Variants in CELF2 observed in about 807,000 individuals in gnomAD.
CELF2 encodes the protein CUGBP Elav-like family member 2.
A neutral mutation model predicts 62.6 loss-of-function variants in CELF2; 8 were observed. The observed-to-expected ratio is 0.13, with a 90% CI of 0.07 to 0.23. The LOEUF (loss-of-function observed/expected upper bound fraction) is 0.23. CELF2 is among the 10% of genes least tolerant of loss of function. CELF2 has a pLI of 1.00. For synonymous variants in CELF2, 258 were observed against 250.0 expected, an observed-to-expected ratio of 1.03 and a Z score of -0.30; for missense variants, 333 against 671.0, an observed-to-expected ratio of 0.50 and a Z score of 5.56.
chr10:11,007,727 T>A (rs1347149803), intron 1 of CELF2, among the ~76,000 whole-genome samples: 8 of 152,128 alleles, frequency 5.3e-5, no homozygotes, highest in Non-Finnish European at 8.8e-5. Context: ...CCATGGGAAA[T>A]GTTTAATCCA....
rs983219488 is a variant in CELF2, at chr10:10,904,892, A to G, written c.54-15072A>G. Among the ~76,000 whole-genome samples, 42 of 152,304 alleles carry G rather than the reference A, an allele frequency of 2.8e-4. 1 individual carries two copies. The highest frequency in any genetic ancestry group is 3.4e-3 in the Middle Eastern group (1 of 294). Reference sequence around the variant, plus strand: ...AAAACACTTCAAGATCTATAAGTAAAATTGAGGAGTGGGACTTTTTTCTTA... The same window carrying G: ...AAAACACTTCAAGATCTATAAGTAAGATTGAGGAGTGGGACTTTTTTCTTA... On this transcript the variant is annotated intron_variant, in intron 1 of 13. Coordinates refer to the CELF2 transcript ENST00000636488.
Position 11,260,095 on chromosome 10 carries a change from A to G in CELF2, c.538+2223A>G. 6.6e-6 allele frequency among the ~76,000 whole-genome samples: 1 copy of G among 152,230 alleles called. No homozygotes were observed. Among genetic ancestry groups the G allele is most frequent in the East Asian group, 1.9e-4 (1 of 5,196 alleles). On this transcript the variant is annotated intron_variant, in intron 5 of 12. Coordinates refer to ENST00000633077, the MANE Select transcript of CELF2 (RefSeq NM_001326342.2). This position sits in a 1 kb window ranked among gnomAD's most constrained non-coding sequence, Gnocchi z 4.2. ...CCCACAACTTCTACTGAAATGAAAT[A>G]GAACTTTAGTCATTTTATTTTCTTA...
rs951647764 is a variant in CELF2 at position 10,993,428 on chromosome 10, T to G, written c.89+73429T>G. On this transcript the variant is annotated intron_variant, in intron 2 of 13. Coordinates refer to the CELF2 transcript ENST00000636488. This position sits in a 1 kb window ranked among gnomAD's most constrained non-coding sequence, Gnocchi z 5.3. Reference sequence around the variant, plus strand: ...TGCAACTGTAAGGATGAGCAGGAGTTAACTGGGAAGGGGAAATGCCAATTT... The same window carrying G: ...TGCAACTGTAAGGATGAGCAGGAGTGAACTGGGAAGGGGAAATGCCAATTT... Among the ~76,000 whole-genome samples, 1 of 151,986 alleles carries G rather than the reference T, an allele frequency of 6.6e-6. No homozygotes were observed. The highest frequency in any genetic ancestry group is 1.5e-5 in the Non-Finnish European group (1 of 67,998).
chr10:11,054,489 T>TTGTGTGTGTGTATGTGTGTTTGTG (rs1554803983), intron 1 of CELF2, among the ~76,000 whole-genome samples: 2 of 149,582 alleles, frequency 1.3e-5, no homozygotes, highest in East Asian at 4.0e-4. Context: ...GTATGTGTGT[T>TTGTGTGTGTGTATGTGTGTTTGTG]TGTGTGTGTG....
the CELF2 span, among the ~76,000 whole-genome samples, chr10:10,582,749 AC>A: frequency 6.6e-6 from 1 of 152,214 alleles, no homozygotes; most frequent in Admixed American, 6.5e-5. Flanking sequence ...AAAATATGAT[AC>A]AAATAAGGTA....
At chr10:11,021,031 AAATTTGATTTTAAACTGACAGTTG>A (rs2058233936) in intron 1 of CELF2, among the ~76,000 whole-genome samples, 1 of 152,108 alleles carries the variant, frequency 6.6e-6, no homozygotes, top group African/African-American at 2.4e-5. Flanking sequence ...ATTTTTTTTT[AAATTTGATTTTAAACTGACAGTTG>A]ATTTTCAATT....
chr10:10,855,933 G>T (rs369897698), intron 1 of CELF2, among the ~76,000 whole-genome samples: 18 of 152,112 alleles, frequency 1.2e-4, no homozygotes, highest in African/African-American at 3.9e-4. Flanking sequence ...GTGAACAAAA[G>T]AAATAAAAAG....
chr10:10,605,411 G>C, the CELF2 span, among the ~76,000 whole-genome samples: 1 of 152,100 alleles, frequency 6.6e-6, no homozygotes, highest in Admixed American at 6.6e-5. Flanking sequence ...CATCCTGCAC[G>C]AGTACCCTGA....
At chr10:10,550,701 C>CT in the CELF2 span, among the ~76,000 whole-genome samples, 464 of 142,454 alleles carry the variant, frequency 3.3e-3, 5 homozygotes, top group South Asian at 0.03. Flanking sequence ...CATGTGATGT[C>CT]TTTTTTTTTT....
At chr10:11,171,083 G>A (rs1053268257) in intron 2 of CELF2, among the ~76,000 whole-genome samples, 5 of 152,286 alleles carry the variant, frequency 3.3e-5, no homozygotes, top group African/African-American at 9.6e-5. Context: ...AATAGAAAAG[G>A]GAAGTGGCTT....
the CELF2 span, among the ~76,000 whole-genome samples, chr10:10,696,665 T>C: frequency 5.6e-4 from 85 of 151,580 alleles, no homozygotes; most frequent in African/African-American, 1.6e-3. Flanking sequence ...ATTCCGTGGG[T>C]GTAGGACCCT....
At chr10:10,927,365 A>AC (rs1040597878) in intron 2 of CELF2, 5 of 151,184 alleles carry the variant, frequency 3.3e-5, no homozygotes, top group Non-Finnish European at 5.9e-5. Flanking sequence ...AAAAAAAAAA[A>AC]ACACCTTTTT....
At chr10:10,555,537 C>A in the CELF2 span, among the ~76,000 whole-genome samples, 3 of 152,126 alleles carry the variant, frequency 2.0e-5, no homozygotes, top group Non-Finnish European at 4.4e-5. Context: ...ATAATTCTCA[C>A]GTAAAACAAA....
At chr10:10,868,327 G>C (rs572612595) in intron 1 of CELF2, among the ~76,000 whole-genome samples, 1 of 152,322 alleles carries the variant, frequency 6.6e-6, no homozygotes, top group South Asian at 2.1e-4. Context: ...GTTGACGCTG[G>C]CTGGGAGCTC....
At chr10:10,988,993 A>C (rs2053138026) in intron 2 of CELF2, among the ~76,000 whole-genome samples, 1 of 152,168 alleles carries the variant, frequency 6.6e-6, no homozygotes, top group Non-Finnish European at 1.5e-5. Flanking sequence ...GATCTGTATG[A>C]ATTTAAGGAC....
rs557282138 is a variant in CELF2, at chr10:11,175,119, G to A, written c.271+9437G>A. Among the ~76,000 whole-genome samples the A allele has an allele frequency of 2.6e-4, 40 of 151,970 alleles. No homozygotes were observed. In the South Asian group the frequency reaches 7.9e-3, roughly 30 times the overall value. ...TGATGCACCAGACACCAAGTGTTAC[G>A]GAACAGGTAATCCACCACTTTTCAC... On this transcript the variant is annotated intron_variant, in intron 2 of 12. Coordinates refer to ENST00000633077, the MANE Select transcript of CELF2 (RefSeq NM_001326342.2).
At chr10:11,108,923 G>A (rs1595455327) in intron 1 of CELF2, among the ~76,000 whole-genome samples, 1 of 152,040 alleles carries the variant, frequency 6.6e-6, no homozygotes, top group Non-Finnish European at 1.5e-5. Context: ...CTATAGTCTG[G>A]ATATTAATCC....
intron 1 of CELF2, among the ~76,000 whole-genome samples, chr10:11,135,632 A>G (rs1378024941): frequency 2.0e-5 from 3 of 152,232 alleles, no homozygotes; most frequent in South Asian, 2.1e-4. Context: ...AGGGATGTCA[A>G]TTTTGAGTCC....
intron 2 of CELF2, chr10:10,923,863 T>C (rs1358493432): frequency 6.6e-6 from 1 of 152,240 alleles, no homozygotes; most frequent in Non-Finnish European, 1.5e-5. Flanking sequence ...TTCAATCTTA[T>C]AAATGACTCC....
Sources: gnomAD v4.1 joint callset for allele counts (sites outside exome capture counted in the v4.1 genomes callset) on GRCh38, gnomAD v4.1.1 for gene constraint, Gnocchi (gnomAD v3.1) non-coding constraint, MANE v1.5 for transcripts, NCBI Gene and HGNC (gene_info 2026-07-23, HGNC 2026-07-21) for gene names.